The following PCK1 variants were observed in gnomAD, a reference collection of about 807,000 sequenced individuals.
The protein encoded by PCK1 is phosphoenolpyruvate carboxykinase 1.
In PCK1, 44 loss-of-function variants were observed where a neutral mutation model predicts 50.3. That is an observed-to-expected ratio of 0.87 (90% confidence interval 0.69 to 1.12). The LOEUF (loss-of-function observed/expected upper bound fraction) is 1.12, where lower values mean the gene tolerates loss of function less well. PCK1 is among the 50% of genes most tolerant of loss of function. The pLI is 0.00. For missense variants in PCK1, 790 were observed against 815.0 expected (o/e 0.97, Z 0.37); for synonymous variants, 332 against 314.3 (o/e 1.06, Z -0.59).
chr20:57,564,682 C>T, intron 8 of PCK1, 69 bp downstream of exon 8: 1 of 1,386,568 alleles, frequency 7.2e-7, no homozygotes, highest in South Asian at 1.4e-5. Flanking sequence ...TGTGAAATCT[C>T]TCCTTTTCCA....
rs1314250003 is a variant in PCK1 at position 57,564,556 on chromosome 20, G to T, written c.1261G>T (p.Glu421Ter). Residue 421 changes from glutamate to a stop codon, truncating the protein, a stop_gained, in exon 8 of 10, where the codon GAG (glutamate) becomes TAG (stop). Transcript: ENST00000319441. LOFTEE classifies it high-confidence loss of function. ...SQCPIIDAAW[E>*]SPEGVPIEGI... ...GTGCCCCATCATTGATGCTGCCTGG[G>T]AGTCTCCGGAAGGTGTTCCCATTGA... 2 of 1,613,642 alleles carry T rather than the reference G, an allele frequency of 1.2e-6. No homozygotes were observed. The highest frequency in any genetic ancestry group is 1.7e-6 in the Non-Finnish European group (2 of 1,179,720).
Position 57,565,927 on chromosome 20 carries a change from G to T in PCK1, c.*123G>T. On this transcript the variant is annotated 3_prime_UTR_variant, in exon 10 of 10. Transcript: ENST00000319441. ...CATAATAATCATCACCACACCGTGA[G>T]CAGATCTGAAAGGCACACTTTGATT... 1 of 679,060 alleles carries T rather than the reference G, an allele frequency of 1.5e-6. No homozygotes were observed. The highest frequency in any genetic ancestry group is 2.1e-5 in the South Asian group (1 of 48,686). The allele number at this position is 679,060 out of a possible 1,614,324, so 42.1% of individuals were successfully genotyped here.
Position 57,563,731 on chromosome 20 carries a change from A to G in PCK1, c.961+4A>G, listed in dbSNP as rs762064699. ...TGGATGAAGTTTGACGCACAAGGTG[A>G]CTCTTTTAGACCCAACTCTTGGTAA... On this transcript the variant is annotated splice_donor_region_variant and intron_variant, in intron 6 of 9. Coordinates refer to ENST00000319441, the MANE Select transcript of PCK1 (RefSeq NM_002591.4). 1 of 1,600,524 alleles carries G rather than the reference A, an allele frequency of 6.2e-7. No individual in the cohort carries two copies. Among genetic ancestry groups the G allele is most frequent in the South Asian group, 1.1e-5 (1 of 89,240 alleles).
chr20:57,561,601 G>A lies in PCK1; in HGVS notation c.190G>A (p.Gly64Ser). Residue 64 changes from glycine to serine, a missense_variant, in exon 2 of 10, where the codon GGC becomes AGC. Physicochemically the swap from Gly to Ser is moderately conservative, Grantham distance 56. Coordinates refer to ENST00000319441, the MANE Select transcript of PCK1 (RefSeq NM_002591.4). ...GCTTCTGGGCCAGATGGAGGAAGAGGGCATCCTCAGGCGGCTGAAGAAGTA... is the reference window on the plus strand; with the variant it reads ...GCTTCTGGGCCAGATGGAGGAAGAGAGCATCCTCAGGCGGCTGAAGAAGTA... ...GRLLGQMEEEGILRRLKKYDN... is the reference protein window; with the variant it reads ...GRLLGQMEEESILRRLKKYDN... 3 of 1,613,024 alleles carry A rather than the reference G, an allele frequency of 1.9e-6. No homozygotes were observed. The highest frequency in any genetic ancestry group is 2.5e-6 in the Non-Finnish European group (3 of 1,179,648).
Position 57,562,826 on chromosome 20 carries a change from C to A in PCK1, c.537C>A (p.Pro179=), listed in dbSNP as rs767045677. 2 of 1,614,038 alleles carry A rather than the reference C, an allele frequency of 1.2e-6. No individual in the cohort carries two copies. Among genetic ancestry groups the A allele is most frequent in the Non-Finnish European group, 1.7e-6 (2 of 1,179,844 alleles). Residue 179 remains proline (P), a synonymous_variant, in exon 4 of 10, where the codon CCC becomes CCA. Coordinates refer to ENST00000319441, the MANE Select transcript of PCK1 (RefSeq NM_002591.4). ...SMRIMTRMGT[P]VLEAVGDGEF... The stretch of plus-strand genomic sequence containing the variant: ...GGATCATGACGCGGATGGGCACGCC[C>A]GTCCTGGAAGCAGTGGGCGATGGGG...
Position 57,561,618 on chromosome 20 carries a change from G to A in PCK1, c.207G>A (p.Leu69=), listed in dbSNP as rs1228856061. 1 of 1,611,670 alleles carries A rather than the reference G, an allele frequency of 6.2e-7. No individual in the cohort carries two copies. Among genetic ancestry groups the A allele is most frequent in the Non-Finnish European group, 8.5e-7 (1 of 1,178,994 alleles). Residue 69 remains leucine, a synonymous_variant, in exon 2 of 10, where the codon CTG becomes CTA. Coordinates refer to ENST00000319441, the MANE Select transcript of PCK1 (RefSeq NM_002591.4). Reference sequence around the variant, plus strand: ...AGGAAGAGGGCATCCTCAGGCGGCTGAAGAAGTATGACAACTGGTAAGCTC... The same window carrying A: ...AGGAAGAGGGCATCCTCAGGCGGCTAAAGAAGTATGACAACTGGTAAGCTC... The part of the protein sequence containing the change: ...QMEEEGILRR[L]KKYDNCWLAL...
Position 57,565,061 on chromosome 20 carries a change from C to T in PCK1, c.1340C>T (p.Ala447Val), listed in dbSNP as rs1194361076. The change falls in exon 9 of 10, where the codon GCT (alanine) becomes GTT (valine). Residue 447 changes from alanine (A) to valine (V), a missense_variant. Transcript: ENST00000319441. ...RPAGVPLVYE[A>V]LSWQHGVFVG... Reference sequence around the variant, plus strand: ...AAAGGTGTCCCTCTAGTCTATGAAGCTCTCAGCTGGCAACATGGAGTCTTT... The same window carrying T: ...AAAGGTGTCCCTCTAGTCTATGAAGTTCTCAGCTGGCAACATGGAGTCTTT... 6.2e-7 allele frequency: 1 copy of T among 1,613,472 alleles called. No homozygotes were observed. The highest frequency in any genetic ancestry group is 1.3e-5 in the African/African-American group (1 of 74,876).
Position 57,561,423 on chromosome 20 carries a change from G to A in PCK1, c.12G>A (p.Gln4=), listed in dbSNP as rs28383584. Residue 4 remains glutamine, a synonymous_variant, in exon 2 of 10, where the codon CAG becomes CAA. Coordinates refer to ENST00000319441, the MANE Select transcript of PCK1 (RefSeq NM_002591.4). Reference sequence around the variant, plus strand: ...AGCACTCTGCAGAAATGCCTCCTCAGCTGCAAAACGGCCTGAACCTCTCGG... The same window carrying A: ...AGCACTCTGCAGAAATGCCTCCTCAACTGCAAAACGGCCTGAACCTCTCGG... MPP[Q]LQNGLNLSAK... 1,993 of 1,612,132 alleles carry A rather than the reference G, an allele frequency of 1.2e-3. 31 individuals are homozygous for A. The African/African-American group carries it at 0.023, about 18-fold the overall frequency.
chr20:57,563,788 A>T (rs1038211003), intron 6 of PCK1, 61 bp downstream of exon 6: 4 of 1,356,400 alleles, frequency 2.9e-6, no homozygotes, highest in Non-Finnish European at 4.1e-6. Context: ...TTGGCCTTCG[A>T]AACATGTCAC....
chr20:57,566,205 G>A lies in PCK1; in HGVS notation c.*401G>A, dbSNP rs961670422. 3 of 168,642 alleles carry A rather than the reference G, an allele frequency of 1.8e-5. No homozygotes were observed. The allele number at this position is 168,642 out of a possible 1,614,324, so 10.4% of individuals were successfully genotyped here. A position where few individuals can be genotyped will look rare whatever the true frequency, so the allele number is the denominator to read the frequency against. The stretch of plus-strand genomic sequence containing the variant: ...TGTGTGTGTGTGTGTGTGCATGTAT[G>A]TGCACATGTGTCTGTGTGGTATATT... On this transcript the variant is annotated 3_prime_UTR_variant, in exon 10 of 10. Transcript: ENST00000319441.
chr20:57,566,167 G>A lies in PCK1; in HGVS notation c.*363G>A, dbSNP rs1297980275. The A allele has an allele frequency of 2.5e-3, 242 of 96,836 alleles. No homozygotes were observed. The highest frequency in any genetic ancestry group is 4.5e-3 in the Middle Eastern group (1 of 224). The allele number at this position is 96,836 out of a possible 1,614,324, so 6.0% of individuals were successfully genotyped here. A position where few individuals can be genotyped will look rare whatever the true frequency, so the allele number is the denominator to read the frequency against. The stretch of plus-strand genomic sequence containing the variant: ...ACTTGAGCTGTATATATATATGTGT[G>A]TGTGTGTGTGTGTGTGTGTGTGTGT... On this transcript the variant is annotated 3_prime_UTR_variant, in exon 10 of 10. Transcript: ENST00000319441.
At chr20:57,565,208 T>G in intron 9 of PCK1, 73 bp downstream of exon 9, 2 of 1,331,780 alleles carry the variant, frequency 1.5e-6, no homozygotes, top group Non-Finnish European at 2.2e-6. Flanking sequence ...TATGTCTCTC[T>G]CCTTTTCTGT....
rs1207528160 is a variant in PCK1, at chr20:57,567,604, G to A, written c.*1800G>A. On this transcript the variant is annotated 3_prime_UTR_variant, in exon 10 of 10. Coordinates refer to ENST00000319441, the MANE Select transcript of PCK1 (RefSeq NM_002591.4). ...ACATGTACTTGACTCAGAGTCCCAT[G>A]TCTAAAGGAGACAGAGCCCAAGGCA... The A allele has an allele frequency of 6.6e-6, 1 of 152,252 alleles. No individual in the cohort carries two copies. The highest frequency in any genetic ancestry group is 1.5e-5 in the Non-Finnish European group (1 of 68,050). The allele number at this position is 152,252 out of a possible 1,614,324, so 9.4% of individuals were successfully genotyped here. A position where few individuals can be genotyped will look rare whatever the true frequency, so the allele number is the denominator to read the frequency against.
Position 57,561,467 on chromosome 20 carries a change from G to A in PCK1, c.56G>A (p.Ser19Asn). ...CTCTCGGCCAAAGTTGTCCAGGGAAGCCTGGACAGCCTACCCCAGGCAGTG... is the reference window on the plus strand; with the variant it reads ...CTCTCGGCCAAAGTTGTCCAGGGAAACCTGGACAGCCTACCCCAGGCAGTG... ...LNLSAKVVQG[S>N]LDSLPQAVRE... Residue 19 changes from serine to asparagine, a missense_variant, in exon 2 of 10, where the codon AGC (serine) becomes AAC (asparagine). Transcript: ENST00000319441. 1 of 1,613,676 alleles carries A rather than the reference G, an allele frequency of 6.2e-7. No individual in the cohort carries two copies. The highest frequency in any genetic ancestry group is 1.1e-5 in the South Asian group (1 of 91,076).
chr20:57,565,075 C>T lies in PCK1; in HGVS notation c.1354C>T (p.His452Tyr). The T allele has an allele frequency of 6.2e-7, 1 of 1,613,758 alleles. No individual in the cohort carries two copies. The highest frequency in any genetic ancestry group is 1.1e-5 in the South Asian group (1 of 91,062). The change falls in exon 9 of 10, where the codon CAT becomes TAT. Residue 452 changes from histidine to tyrosine, a missense_variant. By Grantham distance (83) the His-to-Tyr change is moderately conservative. Transcript: ENST00000319441. ...PLVYEALSWQ[H>Y]GVFVGAAMRS... ...AGTCTATGAAGCTCTCAGCTGGCAA[C>T]ATGGAGTCTTTGTGGGGGCGGCCAT...
chr20:57,562,747 T>C lies in PCK1; in HGVS notation c.458T>C (p.Leu153Pro), dbSNP rs1276772072. The change falls in exon 4 of 10, where the codon CTG becomes CCG. Residue 153 changes from leucine to proline, a missense_variant. Physicochemically the swap from Leu to Pro is moderately conservative, Grantham distance 98 (BLOSUM62 -3). Coordinates refer to ENST00000319441, the MANE Select transcript of PCK1 (RefSeq NM_002591.4). ...AGCATGGGGCCGCTGGGCTCGCCTC[T>C]GTCAAAGATCGGCATCGAGCTGACG... ...PFSMGPLGSP[L>P]SKIGIELTDS... 6.2e-7 allele frequency: 1 copy of C among 1,613,956 alleles called. No homozygotes were observed. Among genetic ancestry groups the C allele is most frequent in the Admixed American group, 1.7e-5 (1 of 60,006 alleles).
At chr20:57,564,701 T>A in intron 8 of PCK1, 88 bp downstream of exon 8, 1 of 1,230,862 alleles carries the variant, frequency 8.1e-7, no homozygotes, top group African/African-American at 1.5e-5. Flanking sequence ...CATGACCTTG[T>A]CAGAGGGTGC....
At chr20:57,562,991 C>G (rs756582445) in intron 4 of PCK1, 37 bp from the exon 5 acceptor site, 1 of 1,595,078 alleles carries the variant, frequency 6.3e-7, no homozygotes, top group Admixed American at 1.7e-5. Flanking sequence ...CAAGCAGGGC[C>G]CTGGCGCACT....
intron 6 of PCK1, 45 bp downstream of exon 6, chr20:57,563,772 G>C: frequency 6.7e-7 from 1 of 1,481,512 alleles, no homozygotes; most frequent in South Asian, 1.2e-5. Flanking sequence ...GGACTCAAGC[G>C]AATCGTTGGC....
Sources: allele counts gnomAD v4.1 joint callset, GRCh38; gene constraint gnomAD v4.1.1; transcripts MANE v1.5; gene names NCBI Gene and HGNC (gene_info 2026-07-23, HGNC 2026-07-21).